The following SZT2 variants were observed in gnomAD, a reference collection of about 807,000 sequenced individuals.
SZT2 encodes the protein KICSTOR complex protein SZT2.
SZT2 carries 216 observed loss-of-function variants against 404.2 expected under a neutral mutation model. The observed-to-expected ratio is 0.53, with a 90% CI of 0.48 to 0.60. SZT2 has a LOEUF of 0.60. Ranked by LOEUF, SZT2 falls within the 20% of genes least tolerant of loss-of-function variation. SZT2 has a pLI of 0.00. For synonymous variants in SZT2, 1,693 were observed against 1,749.9 expected, an observed-to-expected ratio of 0.97 and a Z score of 0.81; for missense variants, 3,857 against 4,459.2, an observed-to-expected ratio of 0.86 and a Z score of 3.85.
intron 28 of SZT2, chr1:43,428,914 GAGGAGAGA>G (rs1300123178): frequency 5.2e-6 from 1 of 193,468 alleles, no homozygotes; most frequent in African/African-American, 2.3e-5. Flanking sequence ...GGAGGAAGGG[GAGGAGAGA>G]AGGAGAAAGG....
intron 1 of SZT2, among the ~76,000 whole-genome samples, chr1:43,397,744 G>A (rs971304543): frequency 3.9e-5 from 6 of 152,056 alleles, no homozygotes; most frequent in African/African-American, 1.2e-4. Flanking sequence ...GGCCAGGCTG[G>A]TCTCGAGCTC....
chr1:43,452,829 A>G lies in SZT2; in HGVS notation c.*2349A>G. 2 of 1,484,444 alleles carry G rather than the reference A, an allele frequency of 1.3e-6. No individual in the cohort carries two copies. The highest frequency in any genetic ancestry group is 2.4e-5 in the South Asian group (2 of 82,502). The allele number at this position is 1,484,444 out of a possible 1,614,324, so 92.0% of individuals were successfully genotyped here. On this transcript the variant is annotated 3_prime_UTR_variant, in exon 72 of 72. Coordinates refer to ENST00000634258, the MANE Select transcript of SZT2 (RefSeq NM_001365999.1). The stretch of plus-strand genomic sequence containing the variant: ...CACTTTGAGCCGTCCACCTCCTCCC[A>G]TCATCCCCTGATCTTAGCCACATCC...
Position 43,427,531 on chromosome 1 carries a change from C to T in SZT2, c.3600C>T (p.Asp1200=), listed in dbSNP as rs1653311968. 2 of 1,614,100 alleles carry T rather than the reference C, an allele frequency of 1.2e-6. No homozygotes were observed. Among genetic ancestry groups the T allele is most frequent in the Non-Finnish European group, 1.7e-6 (2 of 1,180,042 alleles). Reference sequence around the variant, plus strand: ...CCACGTGACACCTTTTCTTCACAGACAATGCCCAGAATCAAGGAGAGCTAA... The same window carrying T: ...CCACGTGACACCTTTTCTTCACAGATAATGCCCAGAATCAAGGAGAGCTAA... ...VPVLSVTLAS[D]NAQNQGELSP... Residue 1200 remains aspartate, a splice_region_variant and synonymous_variant, in exon 26 of 72, where the codon GAC becomes GAT. Coordinates refer to ENST00000634258, the MANE Select transcript of SZT2 (RefSeq NM_001365999.1).
rs1252730837 is a variant in SZT2 at position 43,451,248 on chromosome 1, G to A, written c.*768G>A. On this transcript the variant is annotated 3_prime_UTR_variant, in exon 72 of 72. Coordinates refer to ENST00000634258, the MANE Select transcript of SZT2 (RefSeq NM_001365999.1). ...GTGGTGTGCGGGCCCTCACTGGCCA[G>A]CCTCTGGGTGGCCCCGCCTATCCCA... The A allele has an allele frequency of 1.2e-6, 2 of 1,613,966 alleles. No individual in the cohort carries two copies. The highest frequency in any genetic ancestry group is 1.7e-5 in the Admixed American group (1 of 60,034).
rs1172834677 is a variant in SZT2 at position 43,451,816 on chromosome 1, G to A, written c.*1336G>A. ...CACTTACCATTTGTAATTGGAGGTT[G>A]GGTCTTCCTACCTTCTGTAAGATGG... On this transcript the variant is annotated 3_prime_UTR_variant, in exon 72 of 72. Coordinates refer to ENST00000634258, the MANE Select transcript of SZT2 (RefSeq NM_001365999.1). 4 of 1,614,030 alleles carry A rather than the reference G, an allele frequency of 2.5e-6. No individual in the cohort carries two copies. In the Admixed American group the frequency reaches 6.7e-5, roughly 27 times the overall value.
In SZT2 at chr1:43,430,932, CT is replaced by C; in HGVS notation, c.4775-14del. ...TCTTAGAGCCCTCAGCAACTGCTAA[CT>C]TTCCCCCTCTCCCAGGCCAGGTGCT... On this transcript the variant is annotated splice_polypyrimidine_tract_variant and intron_variant, in intron 32 of 71. Transcript: ENST00000634258. The C allele has an allele frequency of 6.2e-7, 1 of 1,606,198 alleles. No individual in the cohort carries two copies. The highest frequency in any genetic ancestry group is 8.5e-7 in the Non-Finnish European group (1 of 1,176,808).
rs1242942735 is a variant in SZT2 at position 43,432,779 on chromosome 1, G to A, written c.5582G>A (p.Ser1861Asn). Residue 1861 changes from serine to asparagine, a missense_variant, in exon 39 of 72, where the codon AGT becomes AAT. Coordinates refer to ENST00000634258, the MANE Select transcript of SZT2 (RefSeq NM_001365999.1). ...TTAAGTCTCATGTCCAGTCAGGGCA[G>A]TGTGGACTCAGACCACCTAGGTAAG... ...RGLSLMSSQG[S>N]VDSDHLGYDG... 6.2e-7 allele frequency: 1 copy of A among 1,613,956 alleles called. No individual in the cohort carries two copies. The highest frequency in any genetic ancestry group is 1.1e-5 in the South Asian group (1 of 91,050).
At chr1:43,446,315 C>T in intron 64 of SZT2, 27 bp from the exon 65 acceptor site, 1 of 1,614,256 alleles carries the variant, frequency 6.2e-7, no homozygotes, top group Non-Finnish European at 8.5e-7. Flanking sequence ...TCTCGCCTTC[C>T]TGATCTCATC....
At chr1:43,391,739 C>G (rs1648348250) in intron 1 of SZT2, among the ~76,000 whole-genome samples, 1 of 152,194 alleles carries the variant, frequency 6.6e-6, no homozygotes, top group East Asian at 1.9e-4. Flanking sequence ...CTGTAGAAAT[C>G]TAAAGCAAGC....
In SZT2 at chr1:43,453,703, C is replaced by T. The variant is rs1381728585; in HGVS notation, c.*3223C>T. The T allele has an allele frequency of 7.0e-7, 1 of 1,421,664 alleles. No homozygotes were observed. Among genetic ancestry groups the T allele is most frequent in the East Asian group, 3.0e-5 (1 of 33,346 alleles). 88.1% of individuals were successfully genotyped at this position (1,421,664 alleles called of 1,614,324 possible). On this transcript the variant is annotated 3_prime_UTR_variant, in exon 72 of 72. Coordinates refer to ENST00000634258, the MANE Select transcript of SZT2 (RefSeq NM_001365999.1). ...CAGGCCACCTCGACGGCCTCGAAGC[C>T]CGAGCTGCCCGCGGCCCGCACCCGC...
In SZT2 at chr1:43,441,718, A is replaced by G. The variant is rs1040898943; in HGVS notation, c.7642A>G (p.Met2548Val). 1.2e-6 allele frequency: 2 copies of G among 1,614,124 alleles called. No individual in the cohort carries two copies. Among genetic ancestry groups the G allele is most frequent in the East Asian group, 2.2e-5 (1 of 44,868 alleles). Residue 2548 changes from methionine to valine, a missense_variant, in exon 55 of 72, where the codon ATG (methionine) becomes GTG (valine). By Grantham distance (21) the Met-to-Val change is conservative. Coordinates refer to ENST00000634258, the MANE Select transcript of SZT2 (RefSeq NM_001365999.1). This position sits in a 1 kb window ranked among gnomAD's most constrained non-coding sequence, Gnocchi z 4.8. ...CASVSRSSAHMVSRFLLPSIL... is the reference protein window; with the variant it reads ...CASVSRSSAHVVSRFLLPSIL... Reference sequence around the variant, plus strand: ...CTCAGTGTCCAGAAGCTCTGCCCACATGGTGTCCCGGTTCCTCCTTCCATC... The same window carrying G: ...CTCAGTGTCCAGAAGCTCTGCCCACGTGGTGTCCCGGTTCCTCCTTCCATC...
intron 4 of SZT2, among the ~76,000 whole-genome samples, chr1:43,408,575 T>C (rs1557520683): frequency 6.6e-6 from 1 of 152,012 alleles, no homozygotes; most frequent in Admixed American, 6.6e-5. Flanking sequence ...CTGTCCTGCC[T>C]TTTTTTTATT....
At position 43,447,565 on chromosome 1, in the gene SZT2, C is replaced by G; in HGVS notation, c.9307C>G (p.Pro3103Ala). Residue 3103 changes from proline (P) to alanine (A), a missense_variant, in exon 67 of 72, where the codon CCA becomes GCA. This residue lies in a region of SZT2 where 717 missense variants were observed against 868.2 expected (regional missense o/e 0.83). Transcript: ENST00000634258. The part of the protein sequence containing the change: ...IYQGTLELPT[P>A]LIAAHQLYNY... ...CTCAGGGACATTGGAGCTCCCCACA[C>G]CACTCATTGCTGCCCACCAGCTATA... The G allele has an allele frequency of 6.2e-7, 1 of 1,614,126 alleles. No individual in the cohort carries two copies. Among genetic ancestry groups the G allele is most frequent in the Non-Finnish European group, 8.5e-7 (1 of 1,180,018 alleles).
At chr1:43,407,207 C>T (rs780514149) in intron 4 of SZT2, among the ~76,000 whole-genome samples, 6 of 152,110 alleles carry the variant, frequency 3.9e-5, no homozygotes, top group Non-Finnish European at 7.4e-5. Flanking sequence ...CTGTGGCTCC[C>T]TCAAGATGTA....
intron 31 of SZT2, 46 bp downstream of exon 31, chr1:43,430,435 G>A (rs373330845): frequency 5.2e-5 from 83 of 1,602,888 alleles, no homozygotes; most frequent in Non-Finnish European, 6.2e-5. Context: ...GCTGCTTCAC[G>A]CCGAGATTCA....
At position 43,423,168 on chromosome 1, in the gene SZT2, A is replaced by G; in HGVS notation, c.2107A>G (p.Thr703Ala). ...CCACCGGGTACAAAGCAAGGAGCCA[A>G]CGCCCAAGGTGAAACGAAAAGGGCT... ...FPHRVQSKEP[T>A]PKVKRKGLGG... Residue 703 changes from threonine (T) to alanine (A), a missense_variant, in exon 15 of 72, where the codon ACG (threonine) becomes GCG (alanine). Physicochemically the swap from Thr to Ala is moderately conservative, Grantham distance 58 (BLOSUM62 0). Coordinates refer to ENST00000634258, the MANE Select transcript of SZT2 (RefSeq NM_001365999.1). The G allele has an allele frequency of 2.5e-6, 4 of 1,597,478 alleles. No homozygotes were observed. The highest frequency in any genetic ancestry group is 2.5e-6 in the Non-Finnish European group (3 of 1,179,448).
Position 43,424,305 on chromosome 1 carries a change from G to T in SZT2, c.2344G>T (p.Ala782Ser), listed in dbSNP as rs1263134722. Residue 782 changes from alanine to serine, a missense_variant, in exon 16 of 72, where the codon GCC (alanine) becomes TCC (serine). Transcript: ENST00000634258. This position sits in a 1 kb window ranked among gnomAD's most constrained non-coding sequence, Gnocchi z 4.1. ...GPLPLVSGRS[A>S]SSSLASLSRY... ...ACTGCCCTTGGTGTCAGGCCGCTCA[G>T]CCTCTTCTAGCCTGGCGTCACTGTC... 1 of 1,598,052 alleles carries T rather than the reference G, an allele frequency of 6.3e-7. No homozygotes were observed.
intron 11 of SZT2, among the ~76,000 whole-genome samples, chr1:43,421,820 C>T (rs1326880216): frequency 2.6e-5 from 4 of 152,236 alleles, no homozygotes; most frequent in Non-Finnish European, 4.4e-5. Flanking sequence ...TCTCCCAAGT[C>T]GGTGACATAA....
Position 43,425,497 on chromosome 1 carries a change from A to C in SZT2, c.2669A>C (p.Asp890Ala). The change falls in exon 19 of 72, where the codon GAT becomes GCT. Residue 890 changes from aspartate to alanine, a missense_variant. Around this residue, in one of 7 missense-constraint regions of SZT2, gnomAD observed 1,725 missense variants for 1,881.0 expected, o/e 0.92. Transcript: ENST00000634258. The surrounding 1 kb of genome is among the most constrained non-coding windows in gnomAD (Gnocchi z 4.3). ...KDSFSTDDDN[D>A]VEVEALEGDS... ...AGCTTCTCGACAGATGATGACAATGATGTGGAAGTGGAGGCCCTGGAGGGA... is the reference window on the plus strand; with the variant it reads ...AGCTTCTCGACAGATGATGACAATGCTGTGGAAGTGGAGGCCCTGGAGGGA... 1 of 1,614,082 alleles carries C rather than the reference A, an allele frequency of 6.2e-7. No homozygotes were observed. The highest frequency in any genetic ancestry group is 1.1e-5 in the South Asian group (1 of 91,070).
Sources: allele counts gnomAD v4.1 joint callset (sites outside exome capture counted in the v4.1 genomes callset), GRCh38; gene constraint gnomAD v4.1.1; regional missense constraint gnomAD v4.1.1; non-coding constraint Gnocchi (gnomAD v3.1); transcripts MANE v1.5; gene names NCBI Gene and HGNC (gene_info 2026-07-23, HGNC 2026-07-21).